TCF4: variants seen among roughly 807,000 people sequenced by gnomAD.
TCF4 encodes the protein SL3-3 enhancer factor 2.
In TCF4, 3 loss-of-function variants were observed where a neutral mutation model predicts 82.1. The ratio of observed to expected loss-of-function variants is 0.04; its 90% CI spans 0.02 to 0.09. The LOEUF (loss-of-function observed/expected upper bound fraction) is 0.09, where lower values mean the gene tolerates loss of function less well. Ranked by LOEUF, TCF4 falls within the 10% of genes least tolerant of loss-of-function variation. The pLI is 1.00. For missense variants in TCF4, 518 were observed against 852.7 expected, an observed-to-expected ratio of 0.61 and a Z score of 4.89; for synonymous variants, 276 against 309.6, an observed-to-expected ratio of 0.89 and a Z score of 1.14.
intron 8 of TCF4, among the ~76,000 whole-genome samples, chr18:55,329,799 T>C (rs1415322557): frequency 6.6e-6 from 1 of 152,248 alleles, no homozygotes; most frequent in Non-Finnish European, 1.5e-5. Context: ...TTGTCTCTAT[T>C]TGTTTGACAG....
At chr18:55,361,422 T>C (rs1307984087) in intron 6 of TCF4, among the ~76,000 whole-genome samples, 1 of 152,222 alleles carries the variant, frequency 6.6e-6, no homozygotes, top group African/African-American at 2.4e-5. Flanking sequence ...CCCTGCAGCC[T>C]ACCTATAGTC....
intron 6 of TCF4, among the ~76,000 whole-genome samples, chr18:55,391,941 GA>G (rs1320728247): frequency 9.8e-4 from 47 of 47,954 alleles, no homozygotes; most frequent in Non-Finnish European, 1.7e-3. Flanking sequence ...TCATCTAAAA[GA>G]AAAAAAAAAA....
chr18:55,300,046 A>C (rs886148805), intron 8 of TCF4, among the ~76,000 whole-genome samples: 4 of 152,068 alleles, frequency 2.6e-5, no homozygotes, highest in African/African-American at 9.7e-5. Context: ...CCTATGCAGC[A>C]GATGCACAGA....
intron 8 of TCF4, among the ~76,000 whole-genome samples, chr18:55,349,079 CAAT>C (rs1569128504): frequency 6.6e-6 from 1 of 152,036 alleles, no homozygotes; most frequent in African/African-American, 2.4e-5. Context: ...GAAATTCAAA[CAAT>C]AAACAACTGA....
At chr18:55,257,575 T>C (rs758018926) in intron 13 of TCF4, 184 bp from the exon 14 acceptor site, 10 of 638,078 alleles carry the variant, frequency 1.6e-5, no homozygotes, top group African/African-American at 3.7e-5. Flanking sequence ...AAATGTAAAA[T>C]ATGTAGACTT....
intron 15 of TCF4, among the ~76,000 whole-genome samples, chr18:55,251,100 C>CT (rs750207370): frequency 6.6e-5 from 10 of 152,160 alleles, no homozygotes; most frequent in Non-Finnish European, 1.3e-4. Context: ...CCAGCCTTGT[C>CT]TTGCTGGAAG....
At chr18:55,351,228 C>T in intron 6 of TCF4, 1 of 516,504 alleles carries the variant, frequency 1.9e-6, no homozygotes, top group Non-Finnish European at 3.4e-6. Flanking sequence ...AGATGATTCC[C>T]TTTAAACAAT....
At chr18:55,261,647 A>G (rs1600582743) in intron 11 of TCF4, 114 bp from the exon 12 acceptor site, 3 of 1,120,340 alleles carry the variant, frequency 2.7e-6, no homozygotes, top group South Asian at 2.5e-5. Context: ...ATTACAACAC[A>G]TTAATCTTTA....
intron 3 of TCF4, among the ~76,000 whole-genome samples, chr18:55,475,514 C>A (rs887499472): frequency 5.3e-5 from 8 of 152,088 alleles, no homozygotes; most frequent in African/African-American, 1.9e-4. Context: ...AATCAGTAAC[C>A]TATGGAAAGA....
chr18:55,575,573 T>A (rs1338583824), intron 3 of TCF4, among the ~76,000 whole-genome samples: 1 of 151,798 alleles, frequency 6.6e-6, no homozygotes, highest in Non-Finnish European at 1.5e-5. Context: ...CTCTTTGTCA[T>A]AAATTTTTTT....
chr18:55,530,264 T>G (rs1420200007), intron 3 of TCF4, among the ~76,000 whole-genome samples: 2 of 152,204 alleles, frequency 1.3e-5, no homozygotes, highest in Admixed American at 1.3e-4. Context: ...AACTATGCTA[T>G]GCATCTTGGC....
At chr18:55,372,079 C>T (rs1472371037) in intron 6 of TCF4, among the ~76,000 whole-genome samples, 1 of 152,110 alleles carries the variant, frequency 6.6e-6, no homozygotes, top group Non-Finnish European at 1.5e-5. Context: ...AAGGGGTTGG[C>T]TTGGGATGGT....
intron 3 of TCF4, among the ~76,000 whole-genome samples, chr18:55,554,558 GAAAT>G (rs1314813787): frequency 6.6e-6 from 1 of 152,010 alleles, no homozygotes; most frequent in Non-Finnish European, 1.5e-5. Flanking sequence ...GTATAAAACT[GAAAT>G]AATCAAATTA....
intron 5 of TCF4, among the ~76,000 whole-genome samples, chr18:55,415,114 A>G (rs1287766923): frequency 6.6e-6 from 1 of 152,202 alleles, no homozygotes; most frequent in Non-Finnish European, 1.5e-5. Context: ...CTTCTCAAAT[A>G]CAATCAAGGC....
chr18:55,407,320 C>T (rs921276809), intron 5 of TCF4, among the ~76,000 whole-genome samples: 1 of 152,032 alleles, frequency 6.6e-6, no homozygotes, highest in Non-Finnish European at 1.5e-5. Flanking sequence ...ATGATGTATA[C>T]AAGGGAACAT....
chr18:55,288,331 T>A (rs970713101), intron 8 of TCF4, among the ~76,000 whole-genome samples: 1 of 152,224 alleles, frequency 6.6e-6, no homozygotes, highest in African/African-American at 2.4e-5. Context: ...GCAGCCAAAC[T>A]GTACATATAC....
chr18:55,538,938 TA>T (rs1176849604), intron 3 of TCF4, among the ~76,000 whole-genome samples: 13 of 152,128 alleles, frequency 8.5e-5, no homozygotes, highest in African/African-American at 3.1e-4. Context: ...ATCCACATAA[TA>T]ATTGATCTTA....
At chr18:55,558,145 G>A (rs534679818) in intron 3 of TCF4, among the ~76,000 whole-genome samples, 13 of 152,244 alleles carry the variant, frequency 8.5e-5, no homozygotes, top group Middle Eastern at 6.8e-3. Flanking sequence ...CCAGGAGTTC[G>A]AGGCTGCAGT....
At chr18:55,232,289 G>A (rs2048140923) in intron 17 of TCF4, 1 of 533,570 alleles carries the variant, frequency 1.9e-6, no homozygotes, top group East Asian at 3.2e-5. Flanking sequence ...TGTGTCATTA[G>A]CATTGGGTCC....
Sources: allele counts gnomAD v4.1 joint callset (sites outside exome capture counted in the v4.1 genomes callset), GRCh38; gene constraint gnomAD v4.1.1; transcripts MANE v1.5; gene names NCBI Gene and HGNC (gene_info 2026-07-23, HGNC 2026-07-21).